Variants in HS3ST6 observed in about 807,000 individuals in gnomAD.
The protein encoded by HS3ST6 is heparan sulfate-glucosamine 3-sulfotransferase 6.
In HS3ST6, 13 loss-of-function variants were observed where a neutral mutation model predicts 11.0. The observed-to-expected ratio is 1.18, with a 90% CI of 0.77 to 1.88. The LOEUF (loss-of-function observed/expected upper bound fraction) is 1.88. HS3ST6 is among the 40% of genes most tolerant of loss of function. HS3ST6 has a pLI of 0.00. For missense variants in HS3ST6, 541 were observed against 494.4 expected (o/e 1.09, Z -0.89); for synonymous variants, 232 against 230.6 (o/e 1.01, Z -0.06).
upstream of HS3ST6, among the ~76,000 whole-genome samples, chr16:1,920,378 C>A (rs879084344): frequency 3.5e-5 from 2 of 56,350 alleles, no homozygotes; most frequent in Admixed American, 1.6e-4. Context: ...GCTGTTCCCA[C>A]GGTCTCAGGA....
chr16:1,916,486 C>T (rs1171107100), intron 1 of HS3ST6, among the ~76,000 whole-genome samples: 4 of 151,988 alleles, frequency 2.6e-5, no homozygotes, highest in Non-Finnish European at 5.9e-5. Flanking sequence ...TGCCTCTCAT[C>T]CTCCCCAAAC....
upstream of HS3ST6, among the ~76,000 whole-genome samples, chr16:1,918,934 C>T (rs2082946342): frequency 6.6e-6 from 1 of 152,160 alleles, no homozygotes; most frequent in African/African-American, 2.4e-5. The surrounding 1 kb of genome is among the most constrained non-coding windows in gnomAD (Gnocchi z 6.0). Flanking sequence ...GATCCCAGAA[C>T]GTGTGGGGGG....
At chr16:1,915,036 T>C (rs557272699) in intron 1 of HS3ST6, among the ~76,000 whole-genome samples, 2 of 152,120 alleles carry the variant, frequency 1.3e-5, no homozygotes, top group East Asian at 3.9e-4. Flanking sequence ...CCCTCCTCCA[T>C]CTCAGCCTCC....
chr16:1,915,714 G>A (rs1366756664), intron 1 of HS3ST6, among the ~76,000 whole-genome samples: 1 of 152,248 alleles, frequency 6.6e-6, no homozygotes, highest in African/African-American at 2.4e-5. Context: ...CACTAGTGGG[G>A]GAACGGCTGA....
At position 1,911,708 on chromosome 16, in the gene HS3ST6, G is replaced by A; in HGVS notation, c.911C>T (p.Ser304Phe). ...GGSRPRCLGK[S>F]KGRPHPRVPQ... ...CACGCGTGGGTGTGGCCGGCCCTTGGACTTGCCCAGGCAGCGGGGACGGCT... is the reference window on the plus strand; with the variant it reads ...CACGCGTGGGTGTGGCCGGCCCTTGAACTTGCCCAGGCAGCGGGGACGGCT... The change falls in exon 2 of 2, where the codon TCC becomes TTC. Residue 304 changes from serine to phenylalanine, a missense_variant. Transcript: ENST00000454677. 1 of 1,612,556 alleles carries A rather than the reference G, an allele frequency of 6.2e-7. No individual in the cohort carries two copies.
chr16:1,917,465 G>A (rs1202914648), intron 1 of HS3ST6, among the ~76,000 whole-genome samples: 1 of 152,142 alleles, frequency 6.6e-6, no homozygotes, highest in Non-Finnish European at 1.5e-5. Context: ...TCTTGGGGAG[G>A]AAGGACGCTT....
At chr16:1,920,250 C>T (rs1192475432), upstream of HS3ST6, among the ~76,000 whole-genome samples, 4 of 145,168 alleles carry the variant, frequency 2.8e-5, no homozygotes, top group Admixed American at 7.0e-5. Context: ...TCTCAGGAGT[C>T]CCCACGGTCT....
chr16:1,916,181 G>A (rs113610745), intron 1 of HS3ST6, among the ~76,000 whole-genome samples: 7,124 of 152,314 alleles, frequency 0.047, 235 homozygotes, highest in Non-Finnish European at 0.068. Flanking sequence ...GAGAGCATGA[G>A]GACACTTGCA....
upstream of HS3ST6, among the ~76,000 whole-genome samples, chr16:1,918,713 C>G (rs991649329): frequency 1.1e-4 from 16 of 152,110 alleles, no homozygotes; most frequent in Non-Finnish European, 1.9e-4. This position sits in a 1 kb window ranked among gnomAD's most constrained non-coding sequence, Gnocchi z 6.0. Context: ...CAGGGCGGCG[C>G]GCGGGCCTCG....
intron 1 of HS3ST6, 73 bp downstream of exon 1, chr16:1,917,838 C>T: frequency 8.6e-7 from 1 of 1,165,272 alleles, no homozygotes; most frequent in Non-Finnish European, 1.1e-6. Flanking sequence ...GGATATCGTG[C>T]CGCTGCTCCC....
rs1041223475 is a variant in HS3ST6 at position 1,911,798 on chromosome 16, G to A, written c.821C>T (p.Thr274Met). 2.5e-6 allele frequency: 4 copies of A among 1,613,872 alleles called. No homozygotes were observed. Among genetic ancestry groups the A allele is most frequent in the South Asian group, 1.1e-5 (1 of 91,074 alleles). The stretch of plus-strand genomic sequence containing the variant: ...GGCGTTGAAGTAGAAGTGCTTGTCC[G>A]TGACGACCCGTTTCAGGCCCAGGAA... Reference protein sequence around the residue: ...QDFLGLKRVVTDKHFYFNATK... With the variant: ...QDFLGLKRVVMDKHFYFNATK... The change falls in exon 2 of 2, where the codon ACG becomes ATG. Residue 274 changes from threonine to methionine, a missense_variant. Thr to Met is a moderately conservative substitution (Grantham distance 81). Transcript: ENST00000454677.
upstream of HS3ST6, among the ~76,000 whole-genome samples, chr16:1,919,796 C>T (rs1057095806): frequency 3.9e-5 from 6 of 152,252 alleles, no homozygotes; most frequent in Non-Finnish European, 7.3e-5. Context: ...CCCCCAGCCC[C>T]GGCTCCAGAC....
rs3751824 is a variant in HS3ST6, at chr16:1,911,521, G to A, written c.*69C>T. The A allele has an allele frequency of 4.9e-3, 7,145 of 1,443,982 alleles. 93 individuals are homozygous for A. The highest frequency in any genetic ancestry group is 0.041 in the East Asian group (1,656 of 40,732). The allele number at this position is 1,443,982 out of a possible 1,614,324, so 89.4% of individuals were successfully genotyped here. A position where few individuals can be genotyped will look rare whatever the true frequency, so the allele number is the denominator to read the frequency against. ...TTAAATATTCCTCTCTGCCCAGCAT[G>A]TGCACGCAGCCCGCTCTGGCCAGGC... On this transcript the variant is annotated 3_prime_UTR_variant, in exon 2 of 2. Transcript: ENST00000454677.
Position 1,912,054 on chromosome 16 carries a change from A to G in HS3ST6, c.565T>C (p.Ser189Pro). ...VVRNPVTRAISDYAQTLSKTP... is the reference protein window; with the variant it reads ...VVRNPVTRAIPDYAQTLSKTP... ...TTGGAGAGCGTCTGGGCGTAGTCGGAGATGGCCCGGGTCACGGGGTTCCGC... is the reference window on the plus strand; with the variant it reads ...TTGGAGAGCGTCTGGGCGTAGTCGGGGATGGCCCGGGTCACGGGGTTCCGC... The change falls in exon 2 of 2, where the codon TCC becomes CCC. Residue 189 changes from serine to proline, a missense_variant. Physicochemically the swap from Ser to Pro is moderately conservative, Grantham distance 74. Coordinates refer to ENST00000454677, the MANE Select transcript of HS3ST6 (RefSeq NM_001009606.4). This position sits in a 1 kb window ranked among gnomAD's most constrained non-coding sequence, Gnocchi z 5.6. 6.6e-7 allele frequency: 1 copy of G among 1,514,414 alleles called. No individual in the cohort carries two copies. The highest frequency in any genetic ancestry group is 8.8e-7 in the Non-Finnish European group (1 of 1,132,784). The allele number at this position is 1,514,414 out of a possible 1,614,324, so 93.8% of individuals were successfully genotyped here. A position where few individuals can be genotyped will look rare whatever the true frequency, so the allele number is the denominator to read the frequency against.
In HS3ST6 at chr16:1,912,254, A is replaced by G; in HGVS notation, c.414-49T>C. 7.6e-7 allele frequency: 1 copy of G among 1,309,686 alleles called. No individual in the cohort carries two copies. The highest frequency in any genetic ancestry group is 9.7e-7 in the Non-Finnish European group (1 of 1,027,228). 81.1% of individuals were successfully genotyped at this position (1,309,686 alleles called of 1,614,324 possible). A position where few individuals can be genotyped will look rare whatever the true frequency, so the allele number is the denominator to read the frequency against. ...GGGGCCTGAGCCTCCCCAGCCCTAG[A>G]CCGGCCCCCAGGGGCCCGGGACCAA... On this transcript the variant is annotated intron_variant, in intron 1 of 1. Transcript: ENST00000454677. The surrounding 1 kb of genome is among the most constrained non-coding windows in gnomAD (Gnocchi z 5.6).
At chr16:1,917,708 G>C (rs1237430741) in intron 1 of HS3ST6, among the ~76,000 whole-genome samples, 9 of 152,186 alleles carry the variant, frequency 5.9e-5, no homozygotes, top group Non-Finnish European at 2.9e-5. Flanking sequence ...CAAAGTTTCA[G>C]GGAATCCTAG....
intron 1 of HS3ST6, 70 bp downstream of exon 1, chr16:1,917,841 C>T: frequency 8.4e-7 from 1 of 1,184,764 alleles, no homozygotes; most frequent in Non-Finnish European, 1.1e-6. Flanking sequence ...TATCGTGCCG[C>T]TGCTCCCTGG....
At chr16:1,914,683 AGGGAGCTCCGTAGGGGGATGGG>A (rs1464372389) in intron 1 of HS3ST6, among the ~76,000 whole-genome samples, 3 of 152,100 alleles carry the variant, frequency 2.0e-5, no homozygotes, top group Admixed American at 1.3e-4. Flanking sequence ...AAAGAGTCAG[AGGGAGCTCCGTAGGGGGATGGG>A]GTTCCCGGAC....
At chr16:1,920,476 G>GGAGCCCTCATGGTCT (rs2082958268), upstream of HS3ST6, among the ~76,000 whole-genome samples, 1 of 152,100 alleles carries the variant, frequency 6.6e-6, no homozygotes, top group East Asian at 1.9e-4. Context: ...CACGGTCTCA[G>GGAGCCCTCATGGTCT]CAGTCCCTAC....
Sources: allele counts gnomAD v4.1 joint callset (sites outside exome capture counted in the v4.1 genomes callset), GRCh38; gene constraint gnomAD v4.1.1; non-coding constraint Gnocchi (gnomAD v3.1); transcripts MANE v1.5; gene names NCBI Gene and HGNC (gene_info 2026-07-23, HGNC 2026-07-21).